The following SLC35E3 variants were observed in gnomAD, a reference collection of about 807,000 sequenced individuals.
SLC35E3 encodes bladder cancer-overexpressed gene 1 protein.
SLC35E3 carries 28 observed loss-of-function variants against 30.8 expected under a neutral mutation model. That is an observed-to-expected ratio of 0.91 (90% CI 0.67 to 1.25). The LOEUF is 1.25. Ranked by LOEUF, SLC35E3 falls within the 50% of genes most tolerant of loss-of-function variation. The pLI is 0.00. For synonymous variants in SLC35E3, 146 were observed against 149.2 expected (o/e 0.98, Z 0.16); for missense variants, 365 against 375.4 (o/e 0.97, Z 0.23).
At chr12:68,761,941 G>A (rs1350729425) in intron 4 of SLC35E3, among the ~76,000 whole-genome samples, 1 of 152,042 alleles carries the variant, frequency 6.6e-6, no homozygotes, top group African/African-American at 2.4e-5. Context: ...GGAAGATAAG[G>A]TGCTCAGTTC....
chr12:68,781,421 T>A lies in SLC35E3; in HGVS notation c.*16531T>A, dbSNP rs957877570. ...TTGTTTCTACATTTTAGCTTGGAGA[T>A]CCCATGACTACTCTGTTTTGCTAAT... On this transcript the variant is annotated 3_prime_UTR_variant, in exon 5 of 5. Coordinates refer to ENST00000398004, the MANE Select transcript of SLC35E3 (RefSeq NM_018656.5). 1 of 152,198 alleles carries A rather than the reference T, an allele frequency of 6.6e-6. No individual in the cohort carries two copies. The highest frequency in any genetic ancestry group is 1.5e-5 in the Non-Finnish European group (1 of 68,032). 9.4% of individuals were successfully genotyped at this position (152,198 alleles called of 1,614,324 possible).
chr12:68,758,568 A>T (rs1411888587), intron 3 of SLC35E3, among the ~76,000 whole-genome samples: 2 of 151,918 alleles, frequency 1.3e-5, no homozygotes, highest in African/African-American at 4.8e-5. Flanking sequence ...TTTTCTTTAG[A>T]TTAATAAGAA....
intron 4 of SLC35E3, among the ~76,000 whole-genome samples, chr12:68,759,715 A>G (rs544811238): frequency 2.6e-5 from 4 of 151,852 alleles, no homozygotes; most frequent in Non-Finnish European, 4.4e-5. Context: ...AAAAAAAAAA[A>G]AAAGAAATAT....
At position 68,758,971 on chromosome 12, in the gene SLC35E3, C is replaced by T. The variant is rs555278505; in HGVS notation, c.673-186C>T. Among the ~76,000 whole-genome samples the T allele has an allele frequency of 1.8e-4, 27 of 152,124 alleles. 1 individual carries two copies. The highest frequency in any genetic ancestry group is 2.7e-4 in the African/African-American group (11 of 41,506). On this transcript the variant is annotated intron_variant, in intron 3 of 4. Coordinates refer to ENST00000398004, the MANE Select transcript of SLC35E3 (RefSeq NM_018656.5). The stretch of plus-strand genomic sequence containing the variant: ...GTCTCGATCTCCTGACCTCGTGATC[C>T]GCCCGCCTTGGCCTCCCAAAGTGCT...
intron 4 of SLC35E3, among the ~76,000 whole-genome samples, chr12:68,761,325 A>T (rs139753045): frequency 1.1e-4 from 16 of 152,352 alleles, no homozygotes; most frequent in African/African-American, 3.6e-4. Flanking sequence ...AGACAGGAGG[A>T]TCCCTTGAGC....
At chr12:68,749,614 G>A (rs1167439595) in intron 2 of SLC35E3, among the ~76,000 whole-genome samples, 1 of 152,206 alleles carries the variant, frequency 6.6e-6, no homozygotes, top group African/African-American at 2.4e-5. Flanking sequence ...AAATTCTGAG[G>A]AACACCAAGG....
intron 3 of SLC35E3, among the ~76,000 whole-genome samples, chr12:68,757,954 T>C (rs901826793): frequency 1.3e-5 from 2 of 150,224 alleles, no homozygotes; most frequent in Non-Finnish European, 3.0e-5. Flanking sequence ...TAGGTGGGTG[T>C]GGTGGCATGG....
intron 3 of SLC35E3, among the ~76,000 whole-genome samples, chr12:68,758,414 C>T (rs1478238246): frequency 2.7e-5 from 4 of 150,222 alleles, no homozygotes; most frequent in Middle Eastern, 3.4e-3. Flanking sequence ...AGTGAAACTC[C>T]GTCTCAAAAA....
intron 4 of SLC35E3, among the ~76,000 whole-genome samples, chr12:68,759,460 T>A (rs962448069): frequency 1.2e-4 from 18 of 152,214 alleles, no homozygotes; most frequent in Non-Finnish European, 2.2e-4. Flanking sequence ...TCCCAACACT[T>A]CAGGAGGCCG....
At chr12:68,756,459 T>C (rs1253383284) in intron 3 of SLC35E3, among the ~76,000 whole-genome samples, 1 of 148,356 alleles carries the variant, frequency 6.7e-6, no homozygotes, top group African/African-American at 2.5e-5. Flanking sequence ...TTTTTTTCCA[T>C]ATGAAGCCAG....
In SLC35E3 at chr12:68,746,637, T is replaced by C. The variant is rs924992525; in HGVS notation, c.260T>C (p.Phe87Ser). 1.9e-6 allele frequency: 3 copies of C among 1,614,248 alleles called. No individual in the cohort carries two copies. The highest frequency in any genetic ancestry group is 2.5e-6 in the Non-Finnish European group (3 of 1,180,040). The change falls in exon 1 of 5, where the codon TTT becomes TCT. Residue 87 changes from phenylalanine (F) to serine (S), a missense_variant. By Grantham distance (155) the Phe-to-Ser change is radical. Coordinates refer to ENST00000398004, the MANE Select transcript of SLC35E3 (RefSeq NM_018656.5). Reference protein sequence around the residue: ...LLLLALSFCGFVVFTNLSLQN... With the variant: ...LLLLALSFCGSVVFTNLSLQN... ...CTCCTGGCCCTCAGCTTCTGTGGCT[T>C]TGTGGTCTTCACTAACCTTTCTCTG...
intron 2 of SLC35E3, among the ~76,000 whole-genome samples, chr12:68,750,062 C>G (rs564274492): frequency 6.6e-6 from 1 of 151,864 alleles, no homozygotes; most frequent in Admixed American, 6.5e-5. Flanking sequence ...AGGGCCTGGG[C>G]TAGGGCGGTG....
In SLC35E3 at chr12:68,746,338, G is replaced by T. The variant is rs771532243; in HGVS notation, c.-40G>T. 2 of 1,527,502 alleles carry T rather than the reference G, an allele frequency of 1.3e-6. No homozygotes were observed. The highest frequency in any genetic ancestry group is 2.3e-5 in the East Asian group (1 of 44,296). 94.6% of individuals were successfully genotyped at this position (1,527,502 alleles called of 1,614,324 possible). A position where few individuals can be genotyped will look rare whatever the true frequency, so the allele number is the denominator to read the frequency against. On this transcript the variant is annotated 5_prime_UTR_variant, in exon 1 of 5. Transcript: ENST00000398004. The stretch of plus-strand genomic sequence containing the variant: ...AAGGGCAGCCGGAGACAGGCCCGGC[G>T]CCCCTTCCGAGGCTAGACGGCCCCA...
intron 1 of SLC35E3, 145 bp from the exon 2 acceptor site, chr12:68,747,785 C>T: frequency 4.1e-6 from 2 of 485,084 alleles, no homozygotes; most frequent in Non-Finnish European, 3.7e-6. Flanking sequence ...CTAGTTTTCC[C>T]AAGTCAAAAC....
chr12:68,763,935 C>T (rs1337296845), intron 4 of SLC35E3, among the ~76,000 whole-genome samples: 1 of 152,132 alleles, frequency 6.6e-6, no homozygotes, highest in East Asian at 1.9e-4. Context: ...AAGAGTGAGC[C>T]TGCAGTGAAG....
At chr12:68,757,411 A>T (rs116447346) in intron 3 of SLC35E3, among the ~76,000 whole-genome samples, 87 of 152,350 alleles carry the variant, frequency 5.7e-4, no homozygotes, top group African/African-American at 2.1e-3. Flanking sequence ...ATATCATTTT[A>T]TCTAAATTCA....
At chr12:68,751,801 GAGA>G (rs1295467303) in intron 2 of SLC35E3, among the ~76,000 whole-genome samples, 2 of 152,144 alleles carry the variant, frequency 1.3e-5, no homozygotes, top group Admixed American at 6.5e-5. Context: ...TCTAAGAATT[GAGA>G]AGAAGCTAGA....
At chr12:68,753,955 G>T (rs896295924) in intron 3 of SLC35E3, among the ~76,000 whole-genome samples, 1 of 151,800 alleles carries the variant, frequency 6.6e-6, no homozygotes, top group Non-Finnish European at 1.5e-5. Context: ...GGGTTCAAGC[G>T]GTTCTCCTGC....
intron 4 of SLC35E3, among the ~76,000 whole-genome samples, chr12:68,759,796 T>TAAA (rs1879178376): frequency 4.6e-5 from 7 of 152,214 alleles, no homozygotes; most frequent in Non-Finnish European, 1.0e-4. Flanking sequence ...AGGTGACCTT[T>TAAA]TCCCTTACAA....
Sources: gnomAD v4.1 joint callset for allele counts (sites outside exome capture counted in the v4.1 genomes callset) on GRCh38, gnomAD v4.1.1 for gene constraint, MANE v1.5 for transcripts, NCBI Gene and HGNC (gene_info 2026-07-23, HGNC 2026-07-21) for gene names.